Variants in ABCC3 observed in about 807,000 individuals in gnomAD.
ABCC3 encodes the protein ATP binding cassette subfamily C member 3, also known as ATP-binding cassette sub-family C member 3.
ABCC3 carries 121 observed loss-of-function variants against 165.3 expected under a neutral mutation model. The ratio of observed to expected loss-of-function variants is 0.73; its 90% CI spans 0.63 to 0.85. The LOEUF is 0.85. ABCC3 is among the 40% of genes least tolerant of loss of function. The pLI is 0.00. For missense variants in ABCC3, 1,869 were observed against 1,964.1 expected (o/e 0.95, Z 0.92); for synonymous variants, 733 against 810.1 (o/e 0.90, Z 1.62).
chr17:50,655,982 C>T lies in ABCC3; in HGVS notation c.196C>T (p.Leu66Phe). 10 of 1,614,102 alleles carry T rather than the reference C, an allele frequency of 6.2e-6. No individual in the cohort carries two copies. The highest frequency in any genetic ancestry group is 8.5e-6 in the Non-Finnish European group (10 of 1,180,000). Residue 66 changes from leucine (L) to phenylalanine (F), a missense_variant, in exon 2 of 31, where the codon CTC becomes TTC. Leu to Phe is a conservative substitution (Grantham distance 22, BLOSUM62 0). Transcript: ENST00000285238. Reference protein sequence around the residue: ...LRHHCRGYIILSHLSKLKMVL... With the variant: ...LRHHCRGYIIFSHLSKLKMVL... ...GCACCATTGTCGTGGCTACATCATC[C>T]TCTCCCACCTGTCCAAGCTCAAGAT... is the stretch of plus-strand genomic sequence containing the variant.
intron 1 of ABCC3, among the ~76,000 whole-genome samples, chr17:50,640,208 G>A (rs2054215294): frequency 6.6e-6 from 1 of 152,240 alleles, no homozygotes; most frequent in Non-Finnish European, 1.5e-5. Context: ...TGGGCTGCAT[G>A]GCTGAAAGGT....
chr17:50,683,671 A>G lies in ABCC3; in HGVS notation c.3869A>G (p.Glu1290Gly), dbSNP rs745649249. ...GGTTGGCCCCCACGTGGGGAGGTGG[A>G]GTTCCGGAATTATTCTGTGCGCTAC... Reference protein sequence around the residue: ...PEGWPPRGEVEFRNYSVRYRP... With the variant: ...PEGWPPRGEVGFRNYSVRYRP... Residue 1290 changes from glutamate to glycine, a missense_variant, in exon 27 of 31, where the codon GAG becomes GGG. By Grantham distance (98) the Glu-to-Gly change is moderately conservative (BLOSUM62 -2). Transcript: ENST00000285238. 2.5e-6 allele frequency: 4 copies of G among 1,602,988 alleles called. No homozygotes were observed. The Admixed American group carries it at 6.9e-5, about 27-fold the overall frequency.
rs181340552 is a variant in ABCC3 at position 50,681,913 on chromosome 17, C to T, written c.3808-1697C>T. Among the ~76,000 whole-genome samples the T allele has an allele frequency of 1.1e-3, 175 of 152,282 alleles. 1 individual carries two copies. The highest frequency in any genetic ancestry group is 3.9e-3 in the African/African-American group (162 of 41,556). ...AGGCATCACCCTCTGGCCCCTCACC[C>T]CTCACTGTCTGGGAGCTTCCAGTTC... On this transcript the variant is annotated intron_variant, in intron 26 of 30. Coordinates refer to ENST00000285238, the MANE Select transcript of ABCC3 (RefSeq NM_003786.4).
At chr17:50,659,121 C>T (rs563863026) in intron 6 of ABCC3, 116 bp from the exon 7 acceptor site, 248 of 1,298,166 alleles carry the variant, frequency 1.9e-4, no homozygotes, top group African/African-American at 1.9e-3. Context: ...TCACAGTGCC[C>T]GAGGGAGACC....
At chr17:50,675,214 A>G in intron 19 of ABCC3, 148 bp from the exon 20 acceptor site, 2 of 549,286 alleles carry the variant, frequency 3.6e-6, no homozygotes, top group Non-Finnish European at 6.4e-6. Context: ...GCTTAACCCA[A>G]GTCTTTCTTG....
Position 50,691,116 on chromosome 17 carries a change from A to T in ABCC3, c.4500A>T (p.Val1500=). Residue 1500 remains valine, a synonymous_variant, in exon 31 of 31, where the codon GTA becomes GTT. Coordinates refer to ENST00000285238, the MANE Select transcript of ABCC3 (RefSeq NM_003786.4). ...GGGTCCTGGTCCTGGACAAAGGAGTAGTAGCTGAATTTGATTCTCCAGCCA... is the reference window on the plus strand; with the variant it reads ...GGGTCCTGGTCCTGGACAAAGGAGTTGTAGCTGAATTTGATTCTCCAGCCA... ...YTRVLVLDKG[V]VAEFDSPANL... is the part of the protein sequence containing the mutation. The T allele has an allele frequency of 6.2e-7, 1 of 1,614,076 alleles. No individual in the cohort carries two copies. The highest frequency in any genetic ancestry group is 8.5e-7 in the Non-Finnish European group (1 of 1,179,924).
chr17:50,684,185 T>G, intron 28 of ABCC3, 78 bp downstream of exon 28: 1 of 1,536,920 alleles, frequency 6.5e-7, no homozygotes, highest in South Asian at 1.2e-5. Context: ...AGCTTTAGGA[T>G]GGAGACTGGG....
At chr17:50,644,695 GA>G (rs1172673510) in intron 1 of ABCC3, among the ~76,000 whole-genome samples, 12 of 151,982 alleles carry the variant, frequency 7.9e-5, no homozygotes, top group Admixed American at 6.6e-4. Context: ...CGAGGTGACA[GA>G]GTGAGACTCC....
rs1482380572 is a variant in ABCC3, at chr17:50,668,861, A to G, written c.1879A>G (p.Ile627Val). ...CACCTTGGTCCTCTCAGGCTATGCC[A>G]TCACCATACACAGTGGCACCTTCAC... is the stretch of plus-strand genomic sequence containing the variant. ...ERKTISPGYA[I>V]TIHSGTFTWA... is the part of the protein sequence containing the mutation. The change falls in exon 15 of 31, where the codon ATC becomes GTC. Residue 627 changes from isoleucine to valine, a missense_variant. Physicochemically the swap from Ile to Val is conservative, Grantham distance 29. Coordinates refer to ENST00000285238, the MANE Select transcript of ABCC3 (RefSeq NM_003786.4). 1.2e-6 allele frequency: 2 copies of G among 1,613,254 alleles called. No homozygotes were observed. The highest frequency in any genetic ancestry group is 1.7e-5 in the Admixed American group (1 of 59,934).
In ABCC3 at chr17:50,663,708, C is replaced by T. The variant is rs754871433; in HGVS notation, c.1026C>T (p.Pro342=). Residue 342 remains proline, a synonymous_variant, in exon 9 of 31, where the codon CCC becomes CCT. Coordinates refer to ENST00000285238, the MANE Select transcript of ABCC3 (RefSeq NM_003786.4). ...TCCTGATCAGGTTTATCTCCAACCC[C>T]ATGGCCCCCTCCTGGTGGGGCTTCC... ...LSILIRFISN[P]MAPSWWGFLV... 2 of 1,614,192 alleles carry T rather than the reference C, an allele frequency of 1.2e-6. No homozygotes were observed. Among genetic ancestry groups the T allele is most frequent in the Non-Finnish European group, 1.7e-6 (2 of 1,180,040 alleles).
At chr17:50,646,991 G>A (rs1967013342) in intron 1 of ABCC3, among the ~76,000 whole-genome samples, 2 of 152,184 alleles carry the variant, frequency 1.3e-5, no homozygotes, top group South Asian at 4.1e-4. Context: ...CAGTTCACCT[G>A]CCTCAGCCTC....
chr17:50,661,025 G>A lies in ABCC3; in HGVS notation c.909G>A (p.Leu303=). ...GGAAGCCCTCCTTCCTGAAGGCCCTGCTGGCCACCTTCGGCTCCAGCTTCC... is the reference window on the plus strand; with the variant it reads ...GGAAGCCCTCCTTCCTGAAGGCCCTACTGGCCACCTTCGGCTCCAGCTTCC... ...RPRKPSFLKA[L]LATFGSSFLI... is the part of the protein sequence containing the mutation. The change falls in exon 8 of 31, where the codon CTG becomes CTA. Residue 303 remains leucine (L), a synonymous_variant. Transcript: ENST00000285238. 1 of 1,614,182 alleles carries A rather than the reference G, an allele frequency of 6.2e-7. No homozygotes were observed. Among genetic ancestry groups the A allele is most frequent in the Non-Finnish European group, 8.5e-7 (1 of 1,180,020 alleles).
intron 1 of ABCC3, among the ~76,000 whole-genome samples, chr17:50,644,601 A>C (rs1966963020): frequency 6.6e-6 from 1 of 152,094 alleles, no homozygotes; most frequent in Non-Finnish European, 1.5e-5. Context: ...GGTCCTAGCT[A>C]CTTGGGAGGC....
At chr17:50,670,921 G>A (rs1967635116) in intron 17 of ABCC3, among the ~76,000 whole-genome samples, 1 of 152,102 alleles carries the variant, frequency 6.6e-6, no homozygotes, top group Non-Finnish European at 1.5e-5. Context: ...AAAATTTGGG[G>A]CTTTGCTTTT....
Position 50,667,928 on chromosome 17 carries a change from GGCCTTTGT to G in ABCC3, c.1703_1710del (p.Ala568ValfsTer6). 1 of 1,614,180 alleles carries G rather than the reference GGCCTTTGT, an allele frequency of 6.2e-7. No homozygotes were observed. Among genetic ancestry groups the G allele is most frequent in the Non-Finnish European group, 8.5e-7 (1 of 1,180,030 alleles). On this transcript the variant is annotated frameshift_variant, in exon 13 of 31. Coordinates refer to ENST00000285238, the MANE Select transcript of ABCC3 (RefSeq NM_003786.4). LOFTEE classifies it high-confidence loss of function. ...CAAACAATGTGCTGGACGCCGAGAA[GGCCTTTGT>G]GTCTGTGTCCTTGTTTAATATCTTA... is the stretch of plus-strand genomic sequence containing the variant.
At chr17:50,689,351 T>G (rs58599717) in intron 30 of ABCC3, among the ~76,000 whole-genome samples, 2,963 of 152,234 alleles carry the variant, frequency 0.019, 82 homozygotes, top group African/African-American at 0.066. Context: ...GGCAGACCAC[T>G]CCCTCATTGT....
At chr17:50,690,641 C>G (rs1968107995) in intron 30 of ABCC3, among the ~76,000 whole-genome samples, 1 of 152,206 alleles carries the variant, frequency 6.6e-6, no homozygotes, top group Non-Finnish European at 1.5e-5. Context: ...GCAGCAGCCG[C>G]AGCAGCCGCC....
Position 50,679,889 on chromosome 17 carries a change from CAG to C in ABCC3, c.3801_3802del (p.Glu1267AspfsTer79), listed in dbSNP as rs1267598999. ...GAGAGGGTCAAGGAGTACTCCAAGA[CAG>C]AGACAGAGGTGGGTACTGGCATGAG... is the stretch of plus-strand genomic sequence containing the variant. On this transcript the variant is annotated frameshift_variant, in exon 26 of 31. Coordinates refer to ENST00000285238, the MANE Select transcript of ABCC3 (RefSeq NM_003786.4). LOFTEE classifies it high-confidence loss of function. The C allele has an allele frequency of 6.2e-7, 1 of 1,613,734 alleles. No homozygotes were observed. The highest frequency in any genetic ancestry group is 1.7e-5 in the Admixed American group (1 of 60,018).
intron 1 of ABCC3, among the ~76,000 whole-genome samples, chr17:50,638,709 C>G (rs1004175620): frequency 6.6e-6 from 1 of 152,188 alleles, no homozygotes; most frequent in African/African-American, 2.4e-5. Context: ...TCATTGTTCC[C>G]TTAGCTGTTT....
Sources: gnomAD v4.1 joint callset for allele counts (sites outside exome capture counted in the v4.1 genomes callset) on GRCh38, gnomAD v4.1.1 for gene constraint, MANE v1.5 for transcripts, NCBI Gene and HGNC (gene_info 2026-07-23, HGNC 2026-07-21) for gene names.